The following NAV2 variants were observed in gnomAD, a reference collection of about 807,000 sequenced individuals.
NAV2 encodes the protein neuron navigator 2, also known as helicase, APC down-regulated 1.
NAV2 carries 54 observed loss-of-function variants against 223.2 expected under a neutral mutation model. The ratio of observed to expected loss-of-function variants is 0.24; its 90% CI spans 0.19 to 0.30. The LOEUF (loss-of-function observed/expected upper bound fraction) is 0.30, where lower values mean the gene tolerates loss of function less well. NAV2 is among the 10% of genes least tolerant of loss of function. The pLI is 1.00. For synonymous variants in NAV2, 1,279 were observed against 1,239.3 expected, an observed-to-expected ratio of 1.03 and a Z score of -0.67; for missense variants, 2,806 against 3,147.5, an observed-to-expected ratio of 0.89 and a Z score of 2.60.
At chr11:19,864,466 C>G (rs1221302530) in intron 3 of NAV2, among the ~76,000 whole-genome samples, 2 of 152,208 alleles carry the variant, frequency 1.3e-5, no homozygotes, top group Non-Finnish European at 2.9e-5. Flanking sequence ...TTTACGTTAT[C>G]AGGAGACCCA....
chr11:19,466,998 C>CT (rs1852378644), intron 1 of NAV2, among the ~76,000 whole-genome samples: 1 of 124,652 alleles, frequency 8.0e-6, no homozygotes, highest in African/African-American at 2.8e-5. Flanking sequence ...CACACACACA[C>CT]ACACACACAC....
chr11:19,441,568 T>A (rs1239158179), intron 1 of NAV2, among the ~76,000 whole-genome samples: 1 of 152,162 alleles, frequency 6.6e-6, no homozygotes, highest in Non-Finnish European at 1.5e-5. Flanking sequence ...TGCACGTCAT[T>A]TCTTCCTAAT....
At chr11:20,102,153 G>GT (rs1296771727) in intron 32 of NAV2, among the ~76,000 whole-genome samples, 3 of 152,172 alleles carry the variant, frequency 2.0e-5, no homozygotes, top group African/African-American at 7.2e-5. Context: ...CCTGGGACCA[G>GT]TAAGTGAAGG....
chr11:19,584,410 C>T (rs145536532), intron 1 of NAV2, among the ~76,000 whole-genome samples: 1 of 152,004 alleles, frequency 6.6e-6, no homozygotes, highest in African/African-American at 2.4e-5. Context: ...TTATTTCTTG[C>T]CTTCTGCTAG....
intron 10 of NAV2, 52 bp from the exon 11 acceptor site, chr11:19,984,073 G>T: frequency 6.2e-7 from 1 of 1,612,198 alleles, no homozygotes; most frequent in Non-Finnish European, 8.5e-7. Context: ...TGCAAGCCTG[G>T]AAGCCACTTG....
chr11:19,713,796 C>T lies in NAV2; in HGVS notation c.101C>T (p.Pro34Leu), dbSNP rs1473561112. ...ILHVPPARAG[P>L]QPCYLKLGSK... ...CACGTGCCCCCGGCCCGGGCGGGCC[C>T]CCAGCCCTGCTACCTGAAGTTGGGA... Residue 34 changes from proline (P) to leucine (L), a missense_variant, in exon 1 of 38, where the codon CCC (proline) becomes CTC (leucine). Pro to Leu is a moderately conservative substitution (Grantham distance 98). Transcript: ENST00000349880. This position sits in a 1 kb window ranked among gnomAD's most constrained non-coding sequence, Gnocchi z 7.2. The T allele has an allele frequency of 6.2e-7, 1 of 1,612,984 alleles. No individual in the cohort carries two copies. Among genetic ancestry groups the T allele is most frequent in the Non-Finnish European group, 8.5e-7 (1 of 1,179,748 alleles).
chr11:19,927,124 GA>G (rs796335370), intron 6 of NAV2, among the ~76,000 whole-genome samples: 2 of 152,024 alleles, frequency 1.3e-5, no homozygotes, highest in Non-Finnish European at 2.9e-5. Flanking sequence ...TAAACTCCGA[GA>G]AAAAAAATTC....
rs144568864 is a variant in NAV2 at position 19,702,101 on chromosome 11, T to C, written c.76-130383T>C. 5.9e-3 allele frequency among the ~76,000 whole-genome samples: 894 copies of C among 152,322 alleles called. 4 individuals carry two copies. Among genetic ancestry groups the C allele is most frequent in the Admixed American group, 8.6e-3 (132 of 15,306 alleles). On this transcript the variant is annotated intron_variant, in intron 1 of 37. Transcript: ENST00000360655. ...TTGAGGCCACCAACATCATTAGTTA[T>C]AGAGGCAAGTTGATAGATCAGTCAG... is the stretch of plus-strand genomic sequence containing the variant.
chr11:19,862,869 C>T (rs531261067), intron 3 of NAV2, among the ~76,000 whole-genome samples: 1 of 152,240 alleles, frequency 6.6e-6, no homozygotes, highest in South Asian at 2.1e-4. Flanking sequence ...TTTAGGAGGG[C>T]ATTTCCCTAA....
chr11:19,523,827 C>T (rs1166408399), intron 1 of NAV2, among the ~76,000 whole-genome samples: 2 of 152,220 alleles, frequency 1.3e-5, no homozygotes, highest in Non-Finnish European at 2.9e-5. Context: ...TCCCATCGCC[C>T]ACTCTGAGCC....
At chr11:19,442,406 G>A (rs1223908420) in intron 1 of NAV2, among the ~76,000 whole-genome samples, 1 of 152,240 alleles carries the variant, frequency 6.6e-6, no homozygotes, top group East Asian at 1.9e-4. Context: ...TGATACATAA[G>A]GATAATTACG....
At chr11:19,885,544 T>C (rs1591064632) in intron 5 of NAV2, among the ~76,000 whole-genome samples, 2 of 152,382 alleles carry the variant, frequency 1.3e-5, no homozygotes, top group South Asian at 2.1e-4. Flanking sequence ...TTATATTTCA[T>C]TGAATTCCAT....
intron 11 of NAV2, among the ~76,000 whole-genome samples, 177 bp downstream of exon 11, chr11:19,984,424 C>T (rs1003051174): frequency 2.0e-5 from 3 of 152,030 alleles, no homozygotes; most frequent in African/African-American, 2.4e-5. Context: ...AAAGGGCTGC[C>T]GAGGGTTCTT....
intron 1 of NAV2, among the ~76,000 whole-genome samples, chr11:19,780,929 A>G (rs533379100): frequency 4.5e-4 from 68 of 152,270 alleles, no homozygotes; most frequent in African/African-American, 1.6e-3. Flanking sequence ...TTTTCCTTAT[A>G]TTCTAGTTTT....
intron 1 of NAV2, among the ~76,000 whole-genome samples, chr11:19,410,391 A>G (rs925920529): frequency 2.0e-5 from 3 of 152,174 alleles, no homozygotes; most frequent in South Asian, 2.1e-4. Context: ...CTTTACAAAT[A>G]TGAATTCATT....
At chr11:20,087,585 C>T (rs1421998069) in intron 26 of NAV2, among the ~76,000 whole-genome samples, 1 of 152,148 alleles carries the variant, frequency 6.6e-6, no homozygotes, top group Non-Finnish European at 1.5e-5. Context: ...AGGTATGCCA[C>T]CAGCCCTGAC....
At position 19,723,053 on chromosome 11, in the gene NAV2, T is replaced by C. The variant is rs569626326; in HGVS notation, c.267+9091T>C. On this transcript the variant is annotated intron_variant, in intron 1 of 37. Coordinates refer to ENST00000349880, the MANE Select transcript of NAV2 (RefSeq NM_145117.5). Reference sequence around the variant, plus strand: ...AGGGGTTGAGAGGGAGATAACACCATGGGCTTTGGCAAGTTTGGGCAGATT... The same window carrying C: ...AGGGGTTGAGAGGGAGATAACACCACGGGCTTTGGCAAGTTTGGGCAGATT... 5.4e-3 allele frequency among the ~76,000 whole-genome samples: 818 copies of C among 152,322 alleles called. 6 individuals are homozygous for C. Among genetic ancestry groups the C allele is most frequent in the Non-Finnish European group, 7.5e-3 (513 of 68,034 alleles).
At chr11:19,740,090 G>C (rs2052665207) in intron 1 of NAV2, among the ~76,000 whole-genome samples, 1 of 152,154 alleles carries the variant, frequency 6.6e-6, no homozygotes. Context: ...CACTTTGGAG[G>C]CATCTACTAG....
chr11:20,061,002 A>G (rs1414513672), intron 19 of NAV2, among the ~76,000 whole-genome samples: 1 of 152,178 alleles, frequency 6.6e-6, no homozygotes, highest in Admixed American at 6.5e-5. Context: ...TGGGTGGTAG[A>G]TGAATGCCAT....
Sources: allele counts gnomAD v4.1 joint callset (sites outside exome capture counted in the v4.1 genomes callset), GRCh38; gene constraint gnomAD v4.1.1; non-coding constraint Gnocchi (gnomAD v3.1); transcripts MANE v1.5; gene names NCBI Gene and HGNC (gene_info 2026-07-23, HGNC 2026-07-21).